SPAG16: variants seen among roughly 807,000 people sequenced by gnomAD.
SPAG16 encodes sperm associated antigen 16, also known as sperm-associated antigen 16 protein.
A neutral mutation model predicts 80.4 loss-of-function variants in SPAG16; 86 were observed. The observed-to-expected ratio is 1.07, with a 90% CI of 0.90 to 1.28. The LOEUF (loss-of-function observed/expected upper bound fraction) is 1.28, where lower values mean the gene tolerates loss of function less well. SPAG16 is among the 50% of genes most tolerant of loss of function. The pLI, the probability that SPAG16 is intolerant of heterozygous loss-of-function variation, is 0.00. For missense variants in SPAG16, 870 were observed against 765.3 expected, an observed-to-expected ratio of 1.14 and a Z score of -1.61; for synonymous variants, 294 against 265.9, an observed-to-expected ratio of 1.11 and a Z score of -1.03.
At chr2:213,848,925 A>C (rs1020968987) in intron 10 of SPAG16, among the ~76,000 whole-genome samples, 3 of 152,204 alleles carry the variant, frequency 2.0e-5, no homozygotes, top group Admixed American at 2.0e-4. Context: ...TTTAGTGTAG[A>C]AATTGAGACT....
intron 9 of SPAG16, among the ~76,000 whole-genome samples, chr2:213,411,830 T>C (rs755511376): frequency 2.0e-5 from 3 of 151,646 alleles, no homozygotes; most frequent in Non-Finnish European, 2.9e-5. Flanking sequence ...CTCCCTTAAC[T>C]ATCCTCCACC....
At chr2:213,310,313 AACCAC>A in intron 4 of SPAG16, 136 bp downstream of exon 4, 4 of 461,712 alleles carry the variant, frequency 8.7e-6, no homozygotes, top group Admixed American at 3.9e-5. Context: ...CCAGCCCTGA[AACCAC>A]AACACACACA....
chr2:213,372,127 A>T (rs548607690), intron 8 of SPAG16, among the ~76,000 whole-genome samples: 2 of 151,510 alleles, frequency 1.3e-5, no homozygotes, highest in Admixed American at 1.3e-4. Flanking sequence ...TATGAGATAA[A>T]TTTTTTTTTC....
At chr2:214,091,249 A>G (rs1274214029) in intron 13 of SPAG16, among the ~76,000 whole-genome samples, 3 of 152,076 alleles carry the variant, frequency 2.0e-5, no homozygotes, top group Non-Finnish European at 2.9e-5. Context: ...TGTTCTAAGC[A>G]TTTTACATTA....
chr2:213,586,374 C>T (rs1034992251), intron 10 of SPAG16, among the ~76,000 whole-genome samples: 7 of 152,134 alleles, frequency 4.6e-5, no homozygotes, highest in Non-Finnish European at 5.9e-5. Flanking sequence ...CCTTTTGGCA[C>T]GGTAGAAGGG....
At chr2:214,343,210 T>C (rs1697824243) in intron 15 of SPAG16, among the ~76,000 whole-genome samples, 1 of 152,164 alleles carries the variant, frequency 6.6e-6, no homozygotes, top group Non-Finnish European at 1.5e-5. Flanking sequence ...GTCCTCATCT[T>C]ATATATGGAG....
intron 13 of SPAG16, among the ~76,000 whole-genome samples, chr2:214,046,631 C>T (rs1012889790): frequency 2.6e-4 from 39 of 152,140 alleles, no homozygotes; most frequent in African/African-American, 8.9e-4. Context: ...AGATGAGGAA[C>T]ATGACAAGGA....
intron 12 of SPAG16, among the ~76,000 whole-genome samples, chr2:213,969,447 A>C (rs2106375152): frequency 6.6e-6 from 1 of 152,334 alleles, no homozygotes; most frequent in Non-Finnish European, 1.5e-5. Context: ...AGTGTTAAGA[A>C]GTGAGGTATT....
At chr2:214,294,775 C>A (rs1694020500) in intron 15 of SPAG16, among the ~76,000 whole-genome samples, 1 of 152,170 alleles carries the variant, frequency 6.6e-6, no homozygotes. Flanking sequence ...TAGGTGTCTT[C>A]CCCAAAGAAG....
chr2:214,219,935 A>G (rs1046958040), intron 15 of SPAG16, among the ~76,000 whole-genome samples: 2 of 152,124 alleles, frequency 1.3e-5, no homozygotes, highest in Admixed American at 6.5e-5. Context: ...CACATGAAAA[A>G]AGATAATTTA....
At chr2:214,398,561 A>T (rs1701528849) in intron 15 of SPAG16, among the ~76,000 whole-genome samples, 1 of 152,232 alleles carries the variant, frequency 6.6e-6, no homozygotes. Context: ...GAAGAGGTTA[A>T]CAGTGAGAAA....
intron 12 of SPAG16, among the ~76,000 whole-genome samples, chr2:213,953,930 C>G (rs1385959156): frequency 6.6e-6 from 1 of 151,942 alleles, no homozygotes; most frequent in Non-Finnish European, 1.5e-5. Context: ...GAATAAATGT[C>G]TAAATGAATG....
At chr2:214,005,813 T>A (rs1335434688) in intron 12 of SPAG16, among the ~76,000 whole-genome samples, 1 of 152,212 alleles carries the variant, frequency 6.6e-6, no homozygotes, top group Non-Finnish European at 1.5e-5. Flanking sequence ...GCAAAATTCT[T>A]GTGAATTTTA....
intron 8 of SPAG16, among the ~76,000 whole-genome samples, chr2:213,366,717 C>A (rs754869067): frequency 1.3e-5 from 2 of 152,052 alleles, no homozygotes; most frequent in South Asian, 4.2e-4. Context: ...GGACACAGCC[C>A]AAACCATATC....
chr2:214,253,092 C>CT (rs374231310), intron 15 of SPAG16, among the ~76,000 whole-genome samples: 11,285 of 144,090 alleles, frequency 0.078, 1,024 homozygotes, highest in African/African-American at 0.22. Flanking sequence ...GCATAAATGT[C>CT]TTTTTTTTTT....
At chr2:213,667,118 T>C (rs1244777297) in intron 10 of SPAG16, among the ~76,000 whole-genome samples, 1 of 152,224 alleles carries the variant, frequency 6.6e-6, no homozygotes, top group Non-Finnish European at 1.5e-5. Flanking sequence ...TTAGATTTCT[T>C]ATAGAAAAAG....
chr2:213,408,277 C>A (rs1242367291), intron 9 of SPAG16, among the ~76,000 whole-genome samples: 3 of 152,168 alleles, frequency 2.0e-5, no homozygotes, highest in African/African-American at 4.8e-5. Context: ...GCACTGAGGC[C>A]ACTGACAACC....
At chr2:214,390,421 G>A (rs1456214584) in intron 15 of SPAG16, among the ~76,000 whole-genome samples, 1 of 151,024 alleles carries the variant, frequency 6.6e-6, no homozygotes, top group Non-Finnish European at 1.5e-5. Flanking sequence ...TTCTCTCAAG[G>A]CTAAAATTAA....
intron 15 of SPAG16, among the ~76,000 whole-genome samples, chr2:214,280,226 TAAAG>T (rs1692816385): frequency 6.6e-6 from 1 of 151,982 alleles, no homozygotes; most frequent in Admixed American, 6.6e-5. Context: ...CAGAAAAAAA[TAAAG>T]AAGACATAGA....
Sources: allele counts gnomAD v4.1 joint callset (sites outside exome capture counted in the v4.1 genomes callset), GRCh38; gene constraint gnomAD v4.1.1; transcripts MANE v1.5; gene names NCBI Gene and HGNC (gene_info 2026-07-23, HGNC 2026-07-21).